Variants in MAP4K4 observed in about 807,000 individuals in gnomAD.
MAP4K4 encodes the protein mitogen-activated protein kinase kinase kinase kinase 4, also known as HPK/GCK-like kinase HGK.
MAP4K4 carries 38 observed loss-of-function variants against 189.6 expected under a neutral mutation model. The observed-to-expected ratio is 0.20, with a 90% CI of 0.15 to 0.26. The LOEUF is 0.26. Among genes scored for constraint, MAP4K4 ranks in the 10% least tolerant of loss-of-function variants. The pLI is 1.00. For missense variants in MAP4K4, 1,054 were observed against 1,726.9 expected, an observed-to-expected ratio of 0.61 and a Z score of 6.91; for synonymous variants, 610 against 624.3, an observed-to-expected ratio of 0.98 and a Z score of 0.34.
chr2:101,817,186 A>G (rs1489498149), intron 3 of MAP4K4, among the ~76,000 whole-genome samples: 2 of 152,188 alleles, frequency 1.3e-5, no homozygotes, highest in Admixed American at 6.5e-5. Flanking sequence ...TATTTTGTCT[A>G]TAGATTGGGG....
intron 2 of MAP4K4, among the ~76,000 whole-genome samples, chr2:101,735,130 G>A (rs1347750973): frequency 1.3e-5 from 2 of 152,302 alleles, no homozygotes; most frequent in East Asian, 3.9e-4. Flanking sequence ...CAAATGTACA[G>A]TGTAGTGACT....
At chr2:101,875,365 A>ATT (rs74794907) in intron 26 of MAP4K4, among the ~76,000 whole-genome samples, 1 of 145,956 alleles carries the variant, frequency 6.9e-6, no homozygotes, top group African/African-American at 2.5e-5. Context: ...GTTGTACAGC[A>ATT]TTTTTTTTTT....
At chr2:101,859,594 G>C in intron 14 of MAP4K4, 49 bp from the exon 15 acceptor site, 1 of 1,349,162 alleles carries the variant, frequency 7.4e-7, no homozygotes, top group Non-Finnish European at 1.0e-6. Context: ...GAGAAGAGGC[G>C]AGCTCTCCAG....
chr2:101,859,940 G>T (rs1409284401), intron 15 of MAP4K4, 76 bp downstream of exon 15: 1 of 1,368,112 alleles, frequency 7.3e-7, no homozygotes, highest in Admixed American at 2.0e-5. Flanking sequence ...TGTCATATGA[G>T]TTCTAGAACG....
chr2:101,864,071 A>G lies in MAP4K4; in HGVS notation c.2097+20A>G. On this transcript the variant is annotated intron_variant, in intron 17 of 32. Transcript: ENST00000324219. Reference sequence around the variant, plus strand: ...CCAAGGGTAAGGAGCAGAAAGACAGATGTGTGCTGCTTTTTTCCTTTTTGT... The same window carrying G: ...CCAAGGGTAAGGAGCAGAAAGACAGGTGTGTGCTGCTTTTTTCCTTTTTGT... The G allele has an allele frequency of 7.9e-7, 1 of 1,259,988 alleles. No homozygotes were observed. The highest frequency in any genetic ancestry group is 1.1e-6 in the Non-Finnish European group (1 of 944,550). The allele number at this position is 1,259,988 out of a possible 1,614,324, so 78.1% of individuals were successfully genotyped here. A position where few individuals can be genotyped will look rare whatever the true frequency, so the allele number is the denominator to read the frequency against.
intron 2 of MAP4K4, among the ~76,000 whole-genome samples, chr2:101,706,474 C>A (rs1429159729): frequency 6.6e-6 from 1 of 152,158 alleles, no homozygotes. Flanking sequence ...GCCCCCACAT[C>A]GCTTTTAGTT....
intron 2 of MAP4K4, among the ~76,000 whole-genome samples, chr2:101,763,145 T>C (rs1255186978): frequency 6.6e-6 from 1 of 152,186 alleles, no homozygotes; most frequent in Non-Finnish European, 1.5e-5. Context: ...GTAAGTCCAC[T>C]CTGTCATTAG....
At chr2:101,891,185 G>T in exon 33 of MAP4K4, 1 of 1,613,758 alleles carries the variant, frequency 6.2e-7, no homozygotes, top group Non-Finnish European at 8.5e-7. Context: ...GCCTCTGTTC[G>T]GTCTGGTGGC....
chr2:101,720,722 A>G (rs761035256), intron 2 of MAP4K4, among the ~76,000 whole-genome samples: 14 of 152,084 alleles, frequency 9.2e-5, no homozygotes, highest in Non-Finnish European at 1.6e-4. Flanking sequence ...TGATTTTTAG[A>G]TTGTGCTTTC....
At chr2:101,782,291 T>C (rs1172601833) in intron 2 of MAP4K4, among the ~76,000 whole-genome samples, 1 of 152,216 alleles carries the variant, frequency 6.6e-6, no homozygotes, top group Non-Finnish European at 1.5e-5. Context: ...ATTTTGACTG[T>C]TTCATTCTTA....
intron 3 of MAP4K4, among the ~76,000 whole-genome samples, chr2:101,791,149 CTAGGGTAT>C (rs2092819762): frequency 6.6e-6 from 1 of 152,096 alleles, no homozygotes; most frequent in South Asian, 2.1e-4. Context: ...AAAAGCTTCT[CTAGGGTAT>C]TAGGCCACAT....
chr2:101,869,356 C>CT (rs369211925), intron 21 of MAP4K4, among the ~76,000 whole-genome samples: 168 of 150,498 alleles, frequency 1.1e-3, no homozygotes, highest in African/African-American at 3.8e-3. Context: ...ATAAGCAGAT[C>CT]TTTTTTTTAT....
intron 28 of MAP4K4, among the ~76,000 whole-genome samples, chr2:101,883,482 G>A (rs908097722): frequency 6.6e-6 from 1 of 152,066 alleles, no homozygotes; most frequent in Non-Finnish European, 1.5e-5. Flanking sequence ...CAGGCACCTT[G>A]CCACCACGCC....
In MAP4K4 at chr2:101,865,680, G is replaced by A. The variant is rs759655140; in HGVS notation, c.2204+644G>A. Among the ~76,000 whole-genome samples the A allele has an allele frequency of 2.4e-4, 37 of 152,094 alleles. 1 individual carries two copies. Among genetic ancestry groups the A allele is most frequent in the Admixed American group, 2.0e-3 (31 of 15,264 alleles). ...TAGAACATTTTCATCATAACAGAAC[G>A]CTTCATTGACCAGCACTATCATAGG... is the stretch of plus-strand genomic sequence containing the variant. On this transcript the variant is annotated intron_variant, in intron 18 of 32. Transcript: ENST00000324219.
At chr2:101,867,722 C>T in intron 20 of MAP4K4, 6 of 429,616 alleles carry the variant, frequency 1.4e-5, no homozygotes, top group Non-Finnish European at 2.5e-5. Flanking sequence ...ATTTACAATA[C>T]TGGCTTTTAG....
intron 31 of MAP4K4, 125 bp downstream of exon 31, chr2:101,888,062 G>T: frequency 2.8e-6 from 2 of 724,352 alleles, no homozygotes. Flanking sequence ...AGAGTAGTTG[G>T]CAGTAGATGG....
At chr2:101,713,384 C>T (rs2046681270) in intron 2 of MAP4K4, among the ~76,000 whole-genome samples, 1 of 151,762 alleles carries the variant, frequency 6.6e-6, no homozygotes, top group Non-Finnish European at 1.5e-5. Context: ...CTTTTGAGGT[C>T]AGGAGTTCAA....
At chr2:101,714,740 G>C (rs945285371) in intron 2 of MAP4K4, among the ~76,000 whole-genome samples, 9 of 152,192 alleles carry the variant, frequency 5.9e-5, no homozygotes, top group Non-Finnish European at 1.0e-4. Context: ...TTGGGGCTAG[G>C]AGGAGGCTTG....
intron 2 of MAP4K4, among the ~76,000 whole-genome samples, chr2:101,716,707 G>A (rs548671560): frequency 6.6e-6 from 1 of 152,134 alleles, no homozygotes; most frequent in African/African-American, 2.4e-5. Flanking sequence ...GGCATACTCA[G>A]TGTGGTAGTG....
Sources: allele counts gnomAD v4.1 joint callset (sites outside exome capture counted in the v4.1 genomes callset), GRCh38; gene constraint gnomAD v4.1.1; transcripts MANE v1.5; gene names NCBI Gene and HGNC (gene_info 2026-07-23, HGNC 2026-07-21).